The following ZCCHC10 variants were observed in gnomAD, a reference collection of about 807,000 sequenced individuals.
ZCCHC10 encodes zinc finger CCHC domain-containing protein 10.
In ZCCHC10, 16 loss-of-function variants were observed where a neutral mutation model predicts 19.5. That is an observed-to-expected ratio of 0.82 (90% CI 0.56 to 1.25). The LOEUF is 1.25. Ranked by LOEUF, ZCCHC10 falls within the 50% of genes most tolerant of loss-of-function variation. The pLI is 0.00. For synonymous variants in ZCCHC10, 67 were observed against 72.5 expected (o/e 0.92, Z 0.38); for missense variants, 197 against 201.0 (o/e 0.98, Z 0.12).
intron 4 of ZCCHC10, among the ~76,000 whole-genome samples, 192 bp from the exon 5 acceptor site, chr5:132,999,042 A>G (rs1762600898): frequency 1.3e-5 from 2 of 152,006 alleles, no homozygotes; most frequent in South Asian, 2.1e-4. Context: ...CAGCCTTCCA[A>G]GTAGCCAGGA....
chr5:133,014,866 A>G (rs951045437), intron 2 of ZCCHC10, among the ~76,000 whole-genome samples: 6 of 152,236 alleles, frequency 3.9e-5, no homozygotes, highest in Non-Finnish European at 7.3e-5. Context: ...AGGGTGTACC[A>G]GGAGACAGAG....
intron 3 of ZCCHC10, among the ~76,000 whole-genome samples, chr5:133,002,481 A>G (rs1351557606): frequency 1.3e-5 from 2 of 152,106 alleles, no homozygotes; most frequent in Non-Finnish European, 2.9e-5. Flanking sequence ...TGCTAGGATT[A>G]TAGGTGTGCG....
At chr5:133,025,534 GAAA>G (rs1322575328) in intron 1 of ZCCHC10, among the ~76,000 whole-genome samples, 3 of 98,948 alleles carry the variant, frequency 3.0e-5, no homozygotes, top group African/African-American at 1.1e-4. Flanking sequence ...AAAAAAAAAA[GAAA>G]GGGGCATCTG....
intron 3 of ZCCHC10, among the ~76,000 whole-genome samples, chr5:133,001,953 C>CTTTTT (rs34331639): frequency 1.3e-4 from 10 of 77,842 alleles, no homozygotes; most frequent in African/African-American, 1.6e-4. Flanking sequence ...ATTCAGCAAT[C>CTTTTT]TTTTTTTTTT....
At chr5:133,012,388 A>G (rs1248570937) in intron 2 of ZCCHC10, among the ~76,000 whole-genome samples, 4 of 151,134 alleles carry the variant, frequency 2.6e-5, no homozygotes, top group Non-Finnish European at 4.4e-5. Flanking sequence ...GAATTTCTTG[A>G]ACTCAGGAGG....
intron 3 of ZCCHC10, chr5:133,003,190 G>A (rs1762884667): frequency 2.8e-6 from 1 of 362,400 alleles, no homozygotes; most frequent in Non-Finnish European, 5.4e-6. Context: ...TATTGGAACT[G>A]GAGGTATTGG....
In ZCCHC10 at chr5:133,017,684, AT is replaced by A. The variant is rs551112203; in HGVS notation, c.107+5156del. 2.2e-3 allele frequency among the ~76,000 whole-genome samples: 337 copies of A among 152,294 alleles called. 2 individuals carry two copies. The highest frequency in any genetic ancestry group is 7.8e-3 in the African/African-American group (325 of 41,566). On this transcript the variant is annotated intron_variant, in intron 2 of 4. Transcript: ENST00000509437. ...TGTGCTTGGCAGCATGATTTGCAGT[AT>A]TCTCAAAATTGGAAATAATATGAAA... is the stretch of plus-strand genomic sequence containing the variant.
rs766937566 is a variant in ZCCHC10, at chr5:132,997,345, A to G, written c.*1238T>C. 4 of 152,206 alleles carry G rather than the reference A, an allele frequency of 2.6e-5. No individual in the cohort carries two copies. The highest frequency in any genetic ancestry group is 5.9e-5 in the Non-Finnish European group (4 of 68,026). 9.4% of individuals were successfully genotyped at this position (152,206 alleles called of 1,614,324 possible). On this transcript the variant is annotated 3_prime_UTR_variant, in exon 5 of 5. Transcript: ENST00000509437. ...TTTTTCATAAAAATATAAAAAAGAC[A>G]ACATTTATAGTTTTAAAAACCTATA...
At chr5:133,007,094 A>G (rs1004452365) in intron 2 of ZCCHC10, among the ~76,000 whole-genome samples, 174 bp from the exon 3 acceptor site, 4 of 152,330 alleles carry the variant, frequency 2.6e-5, no homozygotes, top group African/African-American at 9.6e-5. Flanking sequence ...AAGTGTAATG[A>G]CATGGTTTGG....
At chr5:133,018,072 G>A (rs1764040472) in intron 2 of ZCCHC10, among the ~76,000 whole-genome samples, 3 of 151,274 alleles carry the variant, frequency 2.0e-5, no homozygotes, top group East Asian at 2.0e-4. Flanking sequence ...TTGAAACCAG[G>A]AGGCGGAGGG....
In ZCCHC10 at chr5:133,006,923, A is replaced by T. The variant is rs911558307; in HGVS notation, c.108-3T>A. 3 of 1,594,872 alleles carry T rather than the reference A, an allele frequency of 1.9e-6. No homozygotes were observed. The highest frequency in any genetic ancestry group is 2.6e-6 in the Non-Finnish European group (3 of 1,173,308). Reference sequence around the variant, plus strand: ...TTACATGTTGCTTATTTGCTTCACTACAGAACAAAAAACAGAATACAAGCC... The same window carrying T: ...TTACATGTTGCTTATTTGCTTCACTTCAGAACAAAAAACAGAATACAAGCC... On this transcript the variant is annotated splice_region_variant and splice_polypyrimidine_tract_variant and intron_variant, in intron 2 of 4. Transcript: ENST00000509437.
chr5:133,004,874 T>A (rs1290433893), intron 3 of ZCCHC10, among the ~76,000 whole-genome samples: 1 of 152,234 alleles, frequency 6.6e-6, no homozygotes, highest in Non-Finnish European at 1.5e-5. Flanking sequence ...GTTATTTCCA[T>A]GTCACTCGAT....
Position 133,026,486 on chromosome 5 carries a change from T to TTACTTACATTTAG in ZCCHC10, c.41+10_41+11insCTAAATGTAAGTA. 6.2e-7 allele frequency: 1 copy of TTACTTACATTTAG among 1,613,384 alleles called. No homozygotes were observed. Among genetic ancestry groups the TTACTTACATTTAG allele is most frequent in the Non-Finnish European group, 8.5e-7 (1 of 1,179,842 alleles). On this transcript the variant is annotated intron_variant, in intron 1 of 4. Transcript: ENST00000509437. ...AGCCCTCCAGTGGACCCGAACCGGATCCTTACTTACGCTTGTCTCCGGGCT... is the reference window on the plus strand; with the variant it reads ...AGCCCTCCAGTGGACCCGAACCGGATTACTTACATTTAGCCTTACTTACGCTTGTCTCCGGGCT...
chr5:132,999,376 A>G (rs1482025722), intron 4 of ZCCHC10, among the ~76,000 whole-genome samples: 3 of 152,210 alleles, frequency 2.0e-5, no homozygotes, highest in African/African-American at 7.2e-5. Flanking sequence ...ATTCTCTTGG[A>G]TGGAATTCAA....
intron 2 of ZCCHC10, among the ~76,000 whole-genome samples, chr5:133,007,713 A>C (rs1190066049): frequency 6.6e-6 from 1 of 152,148 alleles, no homozygotes; most frequent in East Asian, 1.9e-4. Flanking sequence ...TTTGTTGTGT[A>C]AATTGCCCAG....
intron 3 of ZCCHC10, among the ~76,000 whole-genome samples, chr5:133,001,430 C>A (rs910569789): frequency 6.6e-6 from 1 of 151,768 alleles, no homozygotes; most frequent in South Asian, 2.1e-4. Flanking sequence ...AAGAAAAAAA[C>A]AATTAATTCT....
chr5:133,006,005 GACAGAGTC>G, intron 3 of ZCCHC10, among the ~76,000 whole-genome samples: 1 of 104,440 alleles, frequency 9.6e-6, no homozygotes, highest in South Asian at 3.1e-4. Context: ...TTTTTTTTGA[GACAGAGTC>G]TCCCTCTGTT....
chr5:133,007,950 G>T (rs951941204), intron 2 of ZCCHC10, among the ~76,000 whole-genome samples: 1 of 152,080 alleles, frequency 6.6e-6, no homozygotes, highest in African/African-American at 2.4e-5. Flanking sequence ...AATCAGCCAG[G>T]TGTGGTGGCT....
intron 3 of ZCCHC10, among the ~76,000 whole-genome samples, chr5:133,001,404 C>A (rs1762765022): frequency 6.6e-6 from 1 of 151,292 alleles, no homozygotes; most frequent in Non-Finnish European, 1.5e-5. Flanking sequence ...ATAAAAACAA[C>A]AACAACAACA....
Sources: gnomAD v4.1 joint callset for allele counts (sites outside exome capture counted in the v4.1 genomes callset) on GRCh38, gnomAD v4.1.1 for gene constraint, MANE v1.5 for transcripts, NCBI Gene and HGNC (gene_info 2026-07-23, HGNC 2026-07-21) for gene names.